The following PLAGL1 variants were observed in gnomAD, a reference collection of about 807,000 sequenced individuals.
PLAGL1 encodes the protein PLAG1 like zinc finger 1, also known as zinc finger protein PLAGL1.
PLAGL1 carries 1 observed loss-of-function variant against 4.6 expected under a neutral mutation model. The observed-to-expected ratio is 0.22, with a 90% CI of 0.08 to 1.03. PLAGL1 has a LOEUF of 1.03. PLAGL1 is among the 50% of genes least tolerant of loss of function. The pLI, the probability that PLAGL1 is intolerant of heterozygous loss-of-function variation, is 0.58. For missense variants in PLAGL1, 464 were observed against 570.4 expected (o/e 0.81, Z 1.90); for synonymous variants, 240 against 237.8 (o/e 1.01, Z -0.08).
At chr6:143,998,327 TTTAA>T (rs1434947053) in intron 1 of PLAGL1, among the ~76,000 whole-genome samples, 6 of 152,338 alleles carry the variant, frequency 3.9e-5, no homozygotes, top group African/African-American at 1.2e-4. Context: ...CATAATTTTA[TTTAA>T]TTATTTCTTC....
In PLAGL1 at chr6:143,941,684, G is replaced by C. The variant is rs201957325; in HGVS notation, c.1132C>G (p.Leu378Val). Reference protein sequence around the residue: ...DAVNLTIPASLDLSPLLGFWQ... With the variant: ...DAVNLTIPASVDLSPLLGFWQ... The stretch of plus-strand genomic sequence containing the variant: ...AAGCCCAACAGGGGGGACAGGTCCA[G>C]AGAGGCAGGTATTGTTAGGTTCACA... Residue 378 changes from leucine to valine, a missense_variant, in exon 8 of 8, where the codon CTG becomes GTG. Physicochemically the swap from Leu to Val is conservative, Grantham distance 32 (BLOSUM62 1). Coordinates refer to ENST00000674357, the MANE Select transcript of PLAGL1 (RefSeq NM_001317162.2). The surrounding 1 kb of genome is among the most constrained non-coding windows in gnomAD (Gnocchi z 6.0). 34 of 1,614,146 alleles carry C rather than the reference G, an allele frequency of 2.1e-5. No individual in the cohort carries two copies. The highest frequency in any genetic ancestry group is 2.8e-5 in the Non-Finnish European group (33 of 1,180,050).
chr6:144,001,345 T>C (rs888573115), intron 1 of PLAGL1, among the ~76,000 whole-genome samples: 21 of 151,990 alleles, frequency 1.4e-4, no homozygotes, highest in African/African-American at 5.1e-4. Context: ...TATAAATAAC[T>C]GACTCAATAA....
In PLAGL1 at chr6:144,056,383, A is replaced by G. The variant is rs1798969703; in HGVS notation, c.-151+8085T>C. ...ACATTCGGGCTCACCTTGACGTTAT[A>G]CATTCTATGTGTTTGGACAAATTTA... On this transcript the variant is annotated intron_variant, in intron 1 of 3. Coordinates refer to the PLAGL1 transcript ENST00000437412. The surrounding 1 kb of genome is among the most constrained non-coding windows in gnomAD (Gnocchi z 4.7). Among the ~76,000 whole-genome samples the G allele has an allele frequency of 6.6e-6, 1 of 152,180 alleles. No individual in the cohort carries two copies. Among genetic ancestry groups the G allele is most frequent in the Non-Finnish European group, 1.5e-5 (1 of 68,034 alleles).
At chr6:144,003,955 T>C (rs1192906190) in intron 1 of PLAGL1, among the ~76,000 whole-genome samples, 1 of 152,224 alleles carries the variant, frequency 6.6e-6, no homozygotes, top group African/African-American at 2.4e-5. Context: ...TTCCTCACAA[T>C]TCAATTCTTA....
rs1794059024 is a variant in PLAGL1, at chr6:144,005,868, T to C, written c.-584+2222A>G. 6.6e-6 allele frequency: 1 copy of C among 152,008 alleles called. No homozygotes were observed. Among genetic ancestry groups the C allele is most frequent in the Non-Finnish European group, 1.5e-5 (1 of 67,970 alleles). 9.4% of individuals were successfully genotyped at this position (152,008 alleles called of 1,614,324 possible). On this transcript the variant is annotated intron_variant, in intron 1 of 7. Coordinates refer to ENST00000674357, the MANE Select transcript of PLAGL1 (RefSeq NM_001317162.2). The surrounding 1 kb of genome is among the most constrained non-coding windows in gnomAD (Gnocchi z 4.6). ...TGAAAGAACTGAGGAACAGAAATTA[T>C]TGAGGTAAATACAATATGTTAGCAT...
Position 143,985,920 on chromosome 6 carries a change from T to C in PLAGL1, c.-583-746A>G, listed in dbSNP as rs1452530424. Among the ~76,000 whole-genome samples, 1 of 145,104 alleles carries C rather than the reference T, an allele frequency of 6.9e-6. No homozygotes were observed. The highest frequency in any genetic ancestry group is 1.5e-5 in the Non-Finnish European group (1 of 66,656). On this transcript the variant is annotated intron_variant, in intron 1 of 7. Transcript: ENST00000674357. This position sits in a 1 kb window ranked among gnomAD's most constrained non-coding sequence, Gnocchi z 4.4. ...TTATGTGTGTGTGTGTGTGTGTGTA[T>C]ACACACACATATATATAAAAGATAT...
rs939909120 is a variant in PLAGL1 at position 144,050,696 on chromosome 6, C to T, written c.-151+13772G>A. ...CTTGAGGCCAGGAGTTTGAGACCAA[C>T]CTGGGAAACATAGTGAGACCCTGTT... On this transcript the variant is annotated intron_variant, in intron 1 of 3. Transcript: ENST00000437412. The surrounding 1 kb of genome is among the most constrained non-coding windows in gnomAD (Gnocchi z 4.3). Among the ~76,000 whole-genome samples the T allele has an allele frequency of 6.6e-6, 1 of 152,068 alleles. No homozygotes were observed. The highest frequency in any genetic ancestry group is 2.4e-5 in the African/African-American group (1 of 41,402).
intron 1 of PLAGL1, among the ~76,000 whole-genome samples, chr6:144,030,281 A>G (rs113502560): frequency 0.083 from 11,076 of 132,698 alleles, 741 homozygotes; most frequent in Admixed American, 0.17. Flanking sequence ...AAAAAAAAAA[A>G]AAGAAGATGT....
Position 144,015,181 on chromosome 6 carries a change from T to A in PLAGL1, c.-150-46203A>T, listed in dbSNP as rs977794084. Among the ~76,000 whole-genome samples the A allele has an allele frequency of 6.6e-5, 10 of 152,234 alleles. No individual in the cohort carries two copies. Among genetic ancestry groups the A allele is most frequent in the African/African-American group, 1.4e-4 (6 of 41,466 alleles). On this transcript the variant is annotated intron_variant, in intron 1 of 3. Transcript: ENST00000437412. The surrounding 1 kb of genome is among the most constrained non-coding windows in gnomAD (Gnocchi z 4.3). ...TGGCTTTCAAAGACTTGGGATTTTT[T>A]AAAAATGTAAAATATCCTATTAATT...
intron 1 of PLAGL1, among the ~76,000 whole-genome samples, chr6:144,052,015 G>A (rs1325109050): frequency 6.6e-6 from 1 of 152,164 alleles, no homozygotes; most frequent in Non-Finnish European, 1.5e-5. Flanking sequence ...ATGATGCACT[G>A]TGAGATTTAT....
In PLAGL1 at chr6:143,948,864, C is replaced by T. The variant is rs2064495; in HGVS notation, c.-324-404G>A. On this transcript the variant is annotated intron_variant, in intron 6 of 7. Transcript: ENST00000674357. The surrounding 1 kb of genome is among the most constrained non-coding windows in gnomAD (Gnocchi z 6.0). The stretch of plus-strand genomic sequence containing the variant: ...CATAAACAAAAATCACCCACACTTA[C>T]TCAAACCACGGGCTCTTCCTCATCA... 0.82 allele frequency among the ~76,000 whole-genome samples: 125,251 copies of T among 152,194 alleles called. 52,145 individuals are homozygous for T. Among genetic ancestry groups the T allele is most frequent in the African/African-American group, 0.94 (38,921 of 41,536 alleles).
In PLAGL1 at chr6:143,941,606, C is replaced by T. The variant is rs758471604; in HGVS notation, c.1210G>A (p.Ala404Thr). The change falls in exon 8 of 8, where the codon GCC becomes ACC. Residue 404 changes from alanine to threonine, a missense_variant. Physicochemically the swap from Ala to Thr is moderately conservative, Grantham distance 58 (BLOSUM62 0). Around this residue, in one of 4 missense-constraint regions of PLAGL1, gnomAD observed 248 missense variants for 250.1 expected, o/e 0.99. Transcript: ENST00000674357. The surrounding 1 kb of genome is among the most constrained non-coding windows in gnomAD (Gnocchi z 6.0). ...GGCAAAGATTCCCCAGGCCCCAGGG[C>T]AAGAGTGCTATTCCCAAAGGTATTT... The part of the protein sequence containing the change: ...TQNTFGNSTL[A>T]LGPGESLPHR... 3 of 1,613,340 alleles carry T rather than the reference C, an allele frequency of 1.9e-6. No individual in the cohort carries two copies. The highest frequency in any genetic ancestry group is 3.3e-5 in the Admixed American group (2 of 59,994).
In PLAGL1 at chr6:143,968,197, T is replaced by C. The variant is rs1784799113; in HGVS notation, c.-472+710A>G. 2 of 152,128 alleles carry C rather than the reference T, an allele frequency of 1.3e-5. No individual in the cohort carries two copies. Among genetic ancestry groups the C allele is most frequent in the African/African-American group, 4.8e-5 (2 of 41,412 alleles). 9.4% of individuals were successfully genotyped at this position (152,128 alleles called of 1,614,324 possible). A position where few individuals can be genotyped will look rare whatever the true frequency, so the allele number is the denominator to read the frequency against. On this transcript the variant is annotated intron_variant, in intron 3 of 7. Coordinates refer to ENST00000674357, the MANE Select transcript of PLAGL1 (RefSeq NM_001317162.2). This position sits in a 1 kb window ranked among gnomAD's most constrained non-coding sequence, Gnocchi z 6.3. ...GGGATTTGGAATCATTATCTTGAAA[T>C]AGGCAGTTCAAACAAATCCTAATCT...
rs979841172 is a variant in PLAGL1 at position 144,050,386 on chromosome 6, G to C, written c.-151+14082C>G. On this transcript the variant is annotated intron_variant, in intron 1 of 3. Coordinates refer to the PLAGL1 transcript ENST00000437412. This position sits in a 1 kb window ranked among gnomAD's most constrained non-coding sequence, Gnocchi z 4.3. ...TCTTTGATACCAGCAACCAGGGCTTGCTCGGCTTTCCTGCCCAAATCCCTT... is the reference window on the plus strand; with the variant it reads ...TCTTTGATACCAGCAACCAGGGCTTCCTCGGCTTTCCTGCCCAAATCCCTT... 6.6e-6 allele frequency among the ~76,000 whole-genome samples: 1 copy of C among 152,154 alleles called. No homozygotes were observed. Among genetic ancestry groups the C allele is most frequent in the Non-Finnish European group, 1.5e-5 (1 of 68,026 alleles).
At chr6:143,974,311 C>T (rs112885353) in intron 2 of PLAGL1, among the ~76,000 whole-genome samples, 3 of 151,188 alleles carry the variant, frequency 2.0e-5, no homozygotes, top group East Asian at 2.0e-4. Flanking sequence ...AATATTGGAA[C>T]GAAAGGTATG....
rs2268448 is a variant in PLAGL1, at chr6:143,957,425, C to G, written c.-325+3044G>C. On this transcript the variant is annotated intron_variant, in intron 6 of 7. Coordinates refer to ENST00000674357, the MANE Select transcript of PLAGL1 (RefSeq NM_001317162.2). The surrounding 1 kb of genome is among the most constrained non-coding windows in gnomAD (Gnocchi z 4.2). The stretch of plus-strand genomic sequence containing the variant: ...CCTTTATGATAGCTGAAAATACATC[C>G]CCCTCCTCACTCCCTAGAAACCCTT... Among the ~76,000 whole-genome samples, 57,063 of 152,042 alleles carry G rather than the reference C, an allele frequency of 0.38. 11,111 individuals are homozygous for G. The highest frequency in any genetic ancestry group is 0.45 in the Non-Finnish European group (30,888 of 67,974).
In PLAGL1 at chr6:144,062,470, C is replaced by CAA. The variant is rs543521128; in HGVS notation, c.-151+1996_-151+1997dup. 9.0e-3 allele frequency among the ~76,000 whole-genome samples: 678 copies of CAA among 75,260 alleles called. 3 individuals carry two copies. The highest frequency in any genetic ancestry group is 0.011 in the African/African-American group (207 of 19,140). 49.4% of individuals were successfully genotyped at this position (75,260 alleles called of 152,430 possible). A position where few individuals can be genotyped will look rare whatever the true frequency, so the allele number is the denominator to read the frequency against. The stretch of plus-strand genomic sequence containing the variant: ...TAATTACACTAGAATGTTATCAGAC[C>CAA]AAAAAAAAAAAAAAAAAAAAAAAAA... On this transcript the variant is annotated intron_variant, in intron 1 of 3. Coordinates refer to the PLAGL1 transcript ENST00000437412.
Position 143,942,408 on chromosome 6 carries a change from C to CAGT in PLAGL1, c.405_407dup (p.Leu136dup). The stretch of plus-strand genomic sequence containing the variant: ...CTTCCGCATGGGCTTTGAGGTGGTC[C>CAGT]AGTAGCACCTCGGTGCTCCCTAGCT... On this transcript the variant is annotated inframe_insertion, in exon 8 of 8. Coordinates refer to ENST00000674357, the MANE Select transcript of PLAGL1 (RefSeq NM_001317162.2). This position sits in a 1 kb window ranked among gnomAD's most constrained non-coding sequence, Gnocchi z 7.6. The CAGT allele has an allele frequency of 6.2e-7, 1 of 1,614,116 alleles. No individual in the cohort carries two copies. The highest frequency in any genetic ancestry group is 8.5e-7 in the Non-Finnish European group (1 of 1,180,008).
intron 1 of PLAGL1, among the ~76,000 whole-genome samples, chr6:144,038,004 A>G (rs946893493): frequency 4.6e-5 from 7 of 152,356 alleles, no homozygotes; most frequent in Middle Eastern, 3.4e-3. Context: ...AATAATTGAA[A>G]AAAATGAGCA....
Sources: allele counts gnomAD v4.1 joint callset (sites outside exome capture counted in the v4.1 genomes callset), GRCh38; gene constraint gnomAD v4.1.1; regional missense constraint gnomAD v4.1.1; non-coding constraint Gnocchi (gnomAD v3.1); transcripts MANE v1.5; gene names NCBI Gene and HGNC (gene_info 2026-07-23, HGNC 2026-07-21).